Variants in TMEM63C observed in about 807,000 individuals in gnomAD.
TMEM63C encodes the protein osmosensitive cation channel TMEM63C.
Under a neutral mutation model 99.2 loss-of-function variants are expected in TMEM63C, and 32 were observed. That is an observed-to-expected ratio of 0.32 (90% CI 0.24 to 0.43). The LOEUF (loss-of-function observed/expected upper bound fraction) is 0.43. Ranked by LOEUF, TMEM63C falls within the 20% of genes least tolerant of loss-of-function variation. TMEM63C has a pLI of 1.00. For missense variants in TMEM63C, 826 were observed against 1,053.0 expected, an observed-to-expected ratio of 0.78 and a Z score of 2.98; for synonymous variants, 376 against 397.9, an observed-to-expected ratio of 0.94 and a Z score of 0.66.
intron 1 of TMEM63C, among the ~76,000 whole-genome samples, chr14:77,200,580 AT>A (rs1229613660): frequency 6.6e-6 from 1 of 152,182 alleles, no homozygotes; most frequent in African/African-American, 2.4e-5. Flanking sequence ...CTCTGGCCCT[AT>A]TTAGACAGAT....
At position 77,242,433 on chromosome 14, in the gene TMEM63C, G is replaced by A. The variant is rs1889194435; in HGVS notation, c.1151G>A (p.Arg384Lys). Reference protein sequence around the residue: ...VTTIVKSYYWRVTMAPHPKDI... With the variant: ...VTTIVKSYYWKVTMAPHPKDI... ...ACCATCGTCAAATCATATTACTGGA[G>A]GGTCACTATGGCCCCACACCCCAAA... Residue 384 changes from arginine to lysine, a missense_variant, in exon 14 of 24, where the codon AGG (arginine) becomes AAG (lysine). Coordinates refer to ENST00000298351, the MANE Select transcript of TMEM63C (RefSeq NM_020431.4). The A allele has an allele frequency of 6.2e-7, 1 of 1,613,768 alleles. No homozygotes were observed. Among genetic ancestry groups the A allele is most frequent in the Non-Finnish European group, 8.5e-7 (1 of 1,179,870 alleles).
chr14:77,213,648 G>A (rs1888528905), intron 2 of TMEM63C, 140 bp downstream of exon 2: 2 of 152,258 alleles, frequency 1.3e-5, no homozygotes, highest in Non-Finnish European at 2.9e-5. Flanking sequence ...TGGAGCCCGA[G>A]GTAGCTCAGA....
chr14:77,240,757 G>A (rs1167539845), intron 13 of TMEM63C, 149 bp downstream of exon 13: 1 of 1,066,824 alleles, frequency 9.4e-7, no homozygotes, highest in East Asian at 2.6e-5. Context: ...TCCAGTGGAT[G>A]AGATGGCCAT....
rs376630289 is a variant in TMEM63C, at chr14:77,224,514, A to T, written c.313-910A>T. Among the ~76,000 whole-genome samples, 367 of 152,262 alleles carry T rather than the reference A, an allele frequency of 2.4e-3. 1 individual carries two copies. The highest frequency in any genetic ancestry group is 8.3e-3 in the African/African-American group (347 of 41,564). On this transcript the variant is annotated intron_variant, in intron 5 of 23. Transcript: ENST00000298351. ...GATCCCAGAAGGAAGCAGGCACCAG[A>T]GTAACTTCACCAGCTACCAGAGCTG...
At chr14:77,231,013 C>A (rs1267824888) in intron 6 of TMEM63C, among the ~76,000 whole-genome samples, 3 of 152,166 alleles carry the variant, frequency 2.0e-5, no homozygotes, top group African/African-American at 7.2e-5. Context: ...GCATGTATTC[C>A]ATTTCAGTAG....
chr14:77,201,432 G>A (rs1888299008), intron 1 of TMEM63C, among the ~76,000 whole-genome samples: 1 of 152,208 alleles, frequency 6.6e-6, no homozygotes, highest in African/African-American at 2.4e-5. Context: ...CTTTTCCAGG[G>A]CCTATCCTGA....
chr14:77,206,090 G>A (rs533847917), intron 1 of TMEM63C, among the ~76,000 whole-genome samples: 1 of 152,262 alleles, frequency 6.6e-6, no homozygotes, highest in African/African-American at 2.4e-5. Flanking sequence ...GGCCCATTCA[G>A]GACCCCGCCC....
At chr14:77,181,924 C>A in intron 1 of TMEM63C, 30 bp downstream of exon 1, 1 of 152,366 alleles carries the variant, frequency 6.6e-6, no homozygotes, top group Non-Finnish European at 1.5e-5. Flanking sequence ...GGTGCGGTGA[C>A]CGGGGCTGGT....
chr14:77,190,323 T>C lies in TMEM63C; in HGVS notation c.-77+8429T>C, dbSNP rs77786585. 4.3e-3 allele frequency among the ~76,000 whole-genome samples: 652 copies of C among 152,290 alleles called. 34 individuals carry two copies. The East Asian group carries it at 0.097, about 23-fold the overall frequency. On this transcript the variant is annotated intron_variant, in intron 1 of 23. Transcript: ENST00000298351. ...AAAAAACTAAGGTTCAGATCACTTC[T>C]AGTTTCTATCAAACCTCCAAGGCAC...
At chr14:77,219,862 G>A (rs1325291682) in intron 4 of TMEM63C, 144 bp from the exon 5 acceptor site, 1 of 737,206 alleles carries the variant, frequency 1.4e-6, no homozygotes, top group East Asian at 2.7e-5. Context: ...GCCCAGAGCT[G>A]TGTGCTCAGC....
chr14:77,238,199 T>G (rs922188690), intron 9 of TMEM63C, among the ~76,000 whole-genome samples: 1 of 152,062 alleles, frequency 6.6e-6, no homozygotes, highest in Non-Finnish European at 1.5e-5. Flanking sequence ...CTCCCCAGAG[T>G]CTTGTTTACT....
At chr14:77,211,891 TCC>T (rs1888502667) in intron 1 of TMEM63C, among the ~76,000 whole-genome samples, 1 of 152,172 alleles carries the variant, frequency 6.6e-6, no homozygotes, top group Non-Finnish European at 1.5e-5. Flanking sequence ...TCACATCATC[TCC>T]CACTGCCCCT....
In TMEM63C at chr14:77,233,342, T is replaced by G. The variant is rs1404450414; in HGVS notation, c.494-110T>G. The G allele has an allele frequency of 3.3e-5, 38 of 1,147,580 alleles. No individual in the cohort carries two copies. The Admixed American group carries it at 6.2e-4, about 19-fold the overall frequency. 71.1% of individuals were successfully genotyped at this position (1,147,580 alleles called of 1,614,324 possible). A position where few individuals can be genotyped will look rare whatever the true frequency, so the allele number is the denominator to read the frequency against. ...CTGGGGAACCAGAAGGAAGAGGAGG[T>G]CAAAGGCAAGCATCTCCAGACCCCA... is the stretch of plus-strand genomic sequence containing the variant. On this transcript the variant is annotated intron_variant, in intron 7 of 23. Transcript: ENST00000298351.
chr14:77,183,138 C>T (rs866537985), intron 1 of TMEM63C, among the ~76,000 whole-genome samples: 2 of 152,204 alleles, frequency 1.3e-5, no homozygotes, highest in Middle Eastern at 6.8e-3. Context: ...AAGGAGAGAG[C>T]GACATTTTAG....
chr14:77,186,805 G>GTGTGTGTGTGTGTGTGTGTC (rs1888006225), intron 1 of TMEM63C, among the ~76,000 whole-genome samples: 1 of 150,608 alleles, frequency 6.6e-6, no homozygotes. Context: ...GTGTGTCTGT[G>GTGTGTGTGTGTGTGTGTGTC]TGTGTGTGTG....
intron 13 of TMEM63C, among the ~76,000 whole-genome samples, chr14:77,242,002 G>A (rs1889184882): frequency 6.6e-6 from 1 of 152,222 alleles, no homozygotes; most frequent in Non-Finnish European, 1.5e-5. Flanking sequence ...ATATTAAGAT[G>A]AGGCTAAAAG....
At chr14:77,249,162 C>A in intron 20 of TMEM63C, 129 bp from the exon 21 acceptor site, 1 of 1,015,606 alleles carries the variant, frequency 9.8e-7, no homozygotes, top group Non-Finnish European at 1.5e-6. Context: ...CGGAGCTCCC[C>A]CAACCCATCC....
chr14:77,248,525 C>G lies in TMEM63C; in HGVS notation c.1764+16C>G. The G allele has an allele frequency of 6.4e-7, 1 of 1,570,434 alleles. No individual in the cohort carries two copies. The highest frequency in any genetic ancestry group is 8.6e-7 in the Non-Finnish European group (1 of 1,157,588). On this transcript the variant is annotated intron_variant, in intron 19 of 23. Coordinates refer to ENST00000298351, the MANE Select transcript of TMEM63C (RefSeq NM_020431.4). Reference sequence around the variant, plus strand: ...CATCAGAAAGGTACAGACTGGCTCTCCGCTGAGCACAGCCCTCAGTTTCCT... The same window carrying G: ...CATCAGAAAGGTACAGACTGGCTCTGCGCTGAGCACAGCCCTCAGTTTCCT...
At chr14:77,214,640 C>T (rs1888549463) in intron 2 of TMEM63C, among the ~76,000 whole-genome samples, 1 of 151,772 alleles carries the variant, frequency 6.6e-6, no homozygotes, top group African/African-American at 2.4e-5. Context: ...ATCAAGGAGT[C>T]CCCCAGGCCA....
Sources: allele counts gnomAD v4.1 joint callset (sites outside exome capture counted in the v4.1 genomes callset), GRCh38; gene constraint gnomAD v4.1.1; transcripts MANE v1.5; gene names NCBI Gene and HGNC (gene_info 2026-07-23, HGNC 2026-07-21).